Variants in S1PR3 observed in about 807,000 individuals in gnomAD.
S1PR3 encodes the protein sphingosine-1-phosphate receptor 3, also known as sphingosine 1-phosphate receptor 3.
S1PR3 carries 12 observed loss-of-function variants against 13.3 expected under a neutral mutation model. The observed-to-expected ratio is 0.90, with a 90% CI of 0.58 to 1.46. The LOEUF is 1.46. Ranked by LOEUF, S1PR3 falls within the 40% of genes most tolerant of loss-of-function variation. The pLI is 0.00. For synonymous variants in S1PR3, 232 were observed against 214.0 expected (o/e 1.08, Z -0.73); for missense variants, 450 against 501.9 (o/e 0.90, Z 0.99).
At position 89,004,652 on chromosome 9, in the gene S1PR3, A is replaced by G. The variant is rs1280210156; in HGVS notation, c.*2315A>G. Reference sequence around the variant, plus strand: ...CTCTACTAGGGAGCCCACAGCCACCATTTCCACTAGGAGGTATCAATATTT... The same window carrying G: ...CTCTACTAGGGAGCCCACAGCCACCGTTTCCACTAGGAGGTATCAATATTT... On this transcript the variant is annotated 3_prime_UTR_variant, in exon 2 of 2. Transcript: ENST00000358157. 6.0e-6 allele frequency: 1 copy of G among 167,096 alleles called. No individual in the cohort carries two copies. Among genetic ancestry groups the G allele is most frequent in the Non-Finnish European group, 1.5e-5 (1 of 68,106 alleles). 10.4% of individuals were successfully genotyped at this position (167,096 alleles called of 1,614,324 possible).
At position 88,991,935 on chromosome 9, in the gene S1PR3, G is replaced by A; in HGVS notation, c.-148+240G>A. 6.2e-7 allele frequency: 1 copy of A among 1,614,262 alleles called. No individual in the cohort carries two copies. ...GCTGGAGCTGAATACCTGGATGAAAGTGGAGAGGCTGTTCGTGGAGAAGTT... is the reference window on the plus strand; with the variant it reads ...GCTGGAGCTGAATACCTGGATGAAAATGGAGAGGCTGTTCGTGGAGAAGTT... On this transcript the variant is annotated intron_variant, in intron 1 of 1. Transcript: ENST00000358157. This position sits in a 1 kb window ranked among gnomAD's most constrained non-coding sequence, Gnocchi z 4.0.
In S1PR3 at chr9:88,991,808, C is replaced by G. The variant is rs1825717770; in HGVS notation, c.-148+113C>G. The G allele has an allele frequency of 1.9e-6, 3 of 1,606,858 alleles. No individual in the cohort carries two copies. Among genetic ancestry groups the G allele is most frequent in the Non-Finnish European group, 2.6e-6 (3 of 1,176,252 alleles). On this transcript the variant is annotated intron_variant, in intron 1 of 1. Coordinates refer to ENST00000358157, the MANE Select transcript of S1PR3 (RefSeq NM_005226.4). This position sits in a 1 kb window ranked among gnomAD's most constrained non-coding sequence, Gnocchi z 4.0. Reference sequence around the variant, plus strand: ...CCCGGGCGCGACGGGGACTTGGGCGCGCCACGGCGGCCGGAGCGCTCCACA... The same window carrying G: ...CCCGGGCGCGACGGGGACTTGGGCGGGCCACGGCGGCCGGAGCGCTCCACA...
chr9:89,000,795 G>A (rs1825855471), intron 1 of S1PR3: 1 of 228,040 alleles, frequency 4.4e-6, no homozygotes, highest in African/African-American at 2.3e-5. Flanking sequence ...ACTTGGGTCT[G>A]TGTATCTTTG....
intron 1 of S1PR3, chr9:88,996,983 G>A (rs549668156): frequency 3.3e-5 from 5 of 152,256 alleles, no homozygotes; most frequent in Admixed American, 6.5e-5. Context: ...ATGTGTAGAC[G>A]CATCCAAAAT....
Position 88,991,837 on chromosome 9 carries a change from G to C in S1PR3, c.-148+142G>C. ...ACGGCGGCCGGAGCGCTCCACATCAGCACCCCTCCCCCAGAGCCGCTGCAG... is the reference window on the plus strand; with the variant it reads ...ACGGCGGCCGGAGCGCTCCACATCACCACCCCTCCCCCAGAGCCGCTGCAG... On this transcript the variant is annotated intron_variant, in intron 1 of 1. Coordinates refer to ENST00000358157, the MANE Select transcript of S1PR3 (RefSeq NM_005226.4). The surrounding 1 kb of genome is among the most constrained non-coding windows in gnomAD (Gnocchi z 4.0). The C allele has an allele frequency of 6.2e-7, 1 of 1,613,102 alleles. No individual in the cohort carries two copies.
intron 1 of S1PR3, chr9:88,995,289 G>C (rs141825917): frequency 6.0e-6 from 1 of 167,134 alleles, no homozygotes; most frequent in South Asian, 2.1e-4. Flanking sequence ...TGTTGGGAAG[G>C]AGACCAGACT....
upstream of S1PR3, chr9:88,991,425 C>T: frequency 6.5e-7 from 1 of 1,535,280 alleles, no homozygotes; most frequent in South Asian, 1.2e-5. The surrounding 1 kb of genome is among the most constrained non-coding windows in gnomAD (Gnocchi z 4.0). Context: ...GGGTCCCGCC[C>T]CGGCGGGCCG....
Position 88,991,745 on chromosome 9 carries a change from G to A in S1PR3, c.-148+50G>A. On this transcript the variant is annotated intron_variant, in intron 1 of 1. Transcript: ENST00000358157. This position sits in a 1 kb window ranked among gnomAD's most constrained non-coding sequence, Gnocchi z 4.0. ...GCGGAACCAGGGTGGGGGGCTGGGGGCCGAAGGACCCACCTTTCCAACAAA... is the reference window on the plus strand; with the variant it reads ...GCGGAACCAGGGTGGGGGGCTGGGGACCGAAGGACCCACCTTTCCAACAAA... The A allele has an allele frequency of 1.3e-6, 2 of 1,548,414 alleles. No homozygotes were observed. The highest frequency in any genetic ancestry group is 4.9e-5 in the East Asian group (2 of 40,950).
rs745966943 is a variant in S1PR3, at chr9:89,002,088, C to T, written c.888C>T (p.Val296=). 13 of 1,613,568 alleles carry T rather than the reference C, an allele frequency of 8.1e-6. No homozygotes were observed. The East Asian group carries it at 2.9e-4, about 36-fold the overall frequency. ...LAVLNSAMNP[V]IYTLASKEMR... ...TGCTCAACTCCGCCATGAACCCGGTCATCTACACGCTGGCCAGCAAGGAGA... is the reference window on the plus strand; with the variant it reads ...TGCTCAACTCCGCCATGAACCCGGTTATCTACACGCTGGCCAGCAAGGAGA... Residue 296 remains valine (V), a synonymous_variant, in exon 2 of 2, where the codon GTC becomes GTT. Transcript: ENST00000358157.
Position 88,995,977 on chromosome 9 carries a change from C to G in S1PR3, c.-148+4282C>G, listed in dbSNP as rs193129789. 1.7e-4 allele frequency: 29 copies of G among 167,118 alleles called. No individual in the cohort carries two copies. The Admixed American group carries it at 1.8e-3, about 11-fold the overall frequency. The allele number at this position is 167,118 out of a possible 1,614,324, so 10.4% of individuals were successfully genotyped here. On this transcript the variant is annotated intron_variant, in intron 1 of 1. Transcript: ENST00000358157. ...GTACTCCTGTGTCTTCCGTAATGTG[C>G]CAAGCTCTCTGAATATATGCAAAAC...
Position 89,001,452 on chromosome 9 carries a change from C to A in S1PR3, c.252C>A (p.Cys84Ter). The A allele has an allele frequency of 1.9e-6, 3 of 1,614,214 alleles. No individual in the cohort carries two copies. The highest frequency in any genetic ancestry group is 2.5e-6 in the Non-Finnish European group (3 of 1,180,042). The change falls in exon 2 of 2, where the codon TGC (cysteine) becomes TGA (stop). Residue 84 changes from cysteine to a stop codon, truncating the protein, a stop_gained. Coordinates refer to ENST00000358157, the MANE Select transcript of S1PR3 (RefSeq NM_005226.4). LOFTEE classifies it high-confidence loss of function. ...MYFFIGNLAL[C>*]DLLAGIAYKV... Reference sequence around the variant, plus strand: ...TTTTCATTGGCAACCTGGCTCTCTGCGACCTGCTGGCCGGCATCGCTTACA... The same window carrying A: ...TTTTCATTGGCAACCTGGCTCTCTGAGACCTGCTGGCCGGCATCGCTTACA...
Position 89,002,225 on chromosome 9 carries a change from GCAA to G in S1PR3, c.1029_1031del (p.Asn344del). ...CCAAGCAGAAGTAAATCAAGCAGCA[GCAA>G]CAATAGCAGCCACTCTCCGAAGGTC... On this transcript the variant is annotated inframe_deletion, in exon 2 of 2. Transcript: ENST00000358157. 6.2e-7 allele frequency: 1 copy of G among 1,614,032 alleles called. No individual in the cohort carries two copies. The highest frequency in any genetic ancestry group is 8.5e-7 in the Non-Finnish European group (1 of 1,180,030).
intron 1 of S1PR3, chr9:88,992,094 A>G: frequency 6.6e-7 from 1 of 1,523,026 alleles, no homozygotes; most frequent in East Asian, 2.3e-5. Context: ...TCGCCGGAAA[A>G]TTAGTTTTTT....
chr9:88,995,193 T>A (rs923346987), intron 1 of S1PR3: 2 of 167,106 alleles, frequency 1.2e-5, no homozygotes, highest in Non-Finnish European at 1.5e-5. Flanking sequence ...TACATGCCTA[T>A]TAAAAATATA....
chr9:88,992,063 A>G (rs1229292547), intron 1 of S1PR3: 3 of 1,582,286 alleles, frequency 1.9e-6, no homozygotes, highest in Non-Finnish European at 1.7e-6. Flanking sequence ...AGCCTGGGAA[A>G]ATCATTCTTT....
chr9:88,991,460 G>C (rs957076541), upstream of S1PR3: 6 of 1,546,434 alleles, frequency 3.9e-6, no homozygotes, highest in Admixed American at 1.2e-4. The surrounding 1 kb of genome is among the most constrained non-coding windows in gnomAD (Gnocchi z 4.0). Context: ...TCTCTGACTC[G>C]CTCGGGCAGA....
Position 89,001,731 on chromosome 9 carries a change from C to T in S1PR3, c.531C>T (p.Asn177=). 6.2e-7 allele frequency: 1 copy of T among 1,614,260 alleles called. No individual in the cohort carries two copies. The highest frequency in any genetic ancestry group is 8.5e-7 in the Non-Finnish European group (1 of 1,180,054). Residue 177 remains asparagine (N), a synonymous_variant, in exon 2 of 2, where the codon AAC becomes AAT. Transcript: ENST00000358157. ...GCGCCCTGCCCATTCTGGGCTGGAA[C>T]TGCCTGCACAATCTCCCTGACTGCT... is the stretch of plus-strand genomic sequence containing the variant. ...TLGALPILGW[N]CLHNLPDCST... is the part of the protein sequence containing the mutation.
In S1PR3 at chr9:88,994,022, A is replaced by G. The variant is rs532709394; in HGVS notation, c.-148+2327A>G. ...ATTTTCCAGATATTTCAGTGCCCCC[A>G]GAATGACATGCTAACATTCTGCTGG... On this transcript the variant is annotated intron_variant, in intron 1 of 1. Transcript: ENST00000358157. 17 of 167,222 alleles carry G rather than the reference A, an allele frequency of 1.0e-4. No homozygotes were observed. The East Asian group carries it at 2.9e-3, about 28-fold the overall frequency. 10.4% of individuals were successfully genotyped at this position (167,222 alleles called of 1,614,324 possible).
intron 1 of S1PR3, chr9:88,992,272 GTCTC>G (rs138739828): frequency 0.038 from 15,250 of 400,272 alleles, 119 homozygotes; most frequent in Middle Eastern, 0.09. Context: ...CCAATAGTCA[GTCTC>G]TCTCTCTCTC....
Sources: allele counts gnomAD v4.1 joint callset, GRCh38; gene constraint gnomAD v4.1.1; non-coding constraint Gnocchi (gnomAD v3.1); transcripts MANE v1.5; gene names NCBI Gene and HGNC (gene_info 2026-07-23, HGNC 2026-07-21).